The following PEX5L variants were observed in gnomAD, a reference collection of about 807,000 sequenced individuals.
The protein encoded by PEX5L is peroxisomal biogenesis factor 5 like.
PEX5L carries 30 observed loss-of-function variants against 84.0 expected under a neutral mutation model. That is an observed-to-expected ratio of 0.36 (90% CI 0.27 to 0.48). The LOEUF (loss-of-function observed/expected upper bound fraction) is 0.48. Ranked by LOEUF, PEX5L falls within the 20% of genes least tolerant of loss-of-function variation. PEX5L has a pLI of 0.99. For missense variants in PEX5L, 533 were observed against 754.6 expected (o/e 0.71, Z 3.44); for synonymous variants, 270 against 283.1 (o/e 0.95, Z 0.46).
At position 179,808,456 on chromosome 3, in the gene PEX5L, A is replaced by G; in HGVS notation, c.1353-19T>C. The G allele has an allele frequency of 1.4e-6, 2 of 1,380,948 alleles. No homozygotes were observed. The highest frequency in any genetic ancestry group is 1.9e-6 in the Non-Finnish European group (2 of 1,040,312). 85.5% of individuals were successfully genotyped at this position (1,380,948 alleles called of 1,614,324 possible). A position where few individuals can be genotyped will look rare whatever the true frequency, so the allele number is the denominator to read the frequency against. Reference sequence around the variant, plus strand: ...AACAGAGCTACAAGAGAAAAAAAAAATTAGATTTGTAATCCAAATAGTCAG... The same window carrying G: ...AACAGAGCTACAAGAGAAAAAAAAAGTTAGATTTGTAATCCAAATAGTCAG... On this transcript the variant is annotated intron_variant, in intron 12 of 14. Transcript: ENST00000467460.
In PEX5L at chr3:179,853,252, G is replaced by A. The variant is rs183830197; in HGVS notation, c.822+5810C>T. ...CACCCAGCACAGTGCCTGGCCCATGGAAGCAGCTAAGGCATGTCTGATGAA... is the reference window on the plus strand; with the variant it reads ...CACCCAGCACAGTGCCTGGCCCATGAAAGCAGCTAAGGCATGTCTGATGAA... On this transcript the variant is annotated intron_variant, in intron 8 of 14. Coordinates refer to ENST00000467460, the MANE Select transcript of PEX5L (RefSeq NM_016559.3). 1.9e-3 allele frequency among the ~76,000 whole-genome samples: 289 copies of A among 152,324 alleles called. 2 individuals are homozygous for A. The highest frequency in any genetic ancestry group is 6.7e-3 in the African/African-American group (280 of 41,566).
chr3:179,951,737 C>T (rs754475988), intron 2 of PEX5L, among the ~76,000 whole-genome samples: 2 of 152,050 alleles, frequency 1.3e-5, no homozygotes, highest in Non-Finnish European at 2.9e-5. Context: ...TTTGTTCAAG[C>T]CACTTTGTTT....
chr3:179,923,806 G>A (rs1770587185), intron 2 of PEX5L, among the ~76,000 whole-genome samples: 2 of 152,188 alleles, frequency 1.3e-5, no homozygotes, highest in South Asian at 2.1e-4. Flanking sequence ...TGCTTATAAA[G>A]TAAGCACAGT....
intron 1 of PEX5L, chr3:179,973,352 A>G (rs1345938630): frequency 2.5e-6 from 3 of 1,180,044 alleles, no homozygotes; most frequent in Non-Finnish European, 3.2e-6. Flanking sequence ...ATGTACAACA[A>G]TAATTGAAGT....
chr3:179,980,946 G>A (rs9681142), intron 1 of PEX5L, among the ~76,000 whole-genome samples: 59,435 of 151,174 alleles, frequency 0.39, 12,402 homozygotes, highest in East Asian at 0.75. Context: ...ATTGCTTGAA[G>A]CCTGGAGGCG....
intron 3 of PEX5L, among the ~76,000 whole-genome samples, chr3:179,893,590 A>T (rs1758275491): frequency 1.3e-5 from 2 of 152,280 alleles, no homozygotes; most frequent in East Asian, 1.9e-4. Context: ...AGCACAATAC[A>T]TTGTAGATGA....
At chr3:179,989,024 T>C (rs564429077) in intron 1 of PEX5L, among the ~76,000 whole-genome samples, 19 of 152,364 alleles carry the variant, frequency 1.2e-4, no homozygotes, top group Middle Eastern at 3.4e-3. Context: ...CTTGGAATGC[T>C]GATTCTAGCA....
At chr3:179,854,064 A>C (rs1179941743) in intron 8 of PEX5L, among the ~76,000 whole-genome samples, 1 of 138,736 alleles carries the variant, frequency 7.2e-6, no homozygotes, top group East Asian at 2.6e-4. Flanking sequence ...CTGCCTGCCC[A>C]GGAGTTTGAG....
At chr3:179,959,871 T>C (rs1781579268) in intron 2 of PEX5L, among the ~76,000 whole-genome samples, 1 of 152,200 alleles carries the variant, frequency 6.6e-6, no homozygotes, top group Non-Finnish European at 1.5e-5. Context: ...TTTTTAGAAC[T>C]ATAGCAGGTA....
chr3:179,797,673 T>TAAC lies in PEX5L; in HGVS notation c.*4152_*4154dup, dbSNP rs1356828438. 1 of 149,824 alleles carries TAAC rather than the reference T, an allele frequency of 6.7e-6. No individual in the cohort carries two copies. The highest frequency in any genetic ancestry group is 1.5e-5 in the Non-Finnish European group (1 of 67,598). 9.3% of individuals were successfully genotyped at this position (149,824 alleles called of 1,614,324 possible). A position where few individuals can be genotyped will look rare whatever the true frequency, so the allele number is the denominator to read the frequency against. ...AACAGTTTAATTTCAACCAGTTCTA[T>TAAC]AACTATTGAGATGATGATAGGGAAA... is the stretch of plus-strand genomic sequence containing the variant. On this transcript the variant is annotated 3_prime_UTR_variant, in exon 15 of 15. Transcript: ENST00000467460.
At chr3:180,030,086 C>T (rs1343695006) in intron 1 of PEX5L, among the ~76,000 whole-genome samples, 1 of 152,140 alleles carries the variant, frequency 6.6e-6, no homozygotes, top group East Asian at 1.9e-4. Flanking sequence ...CAGAGGCTCA[C>T]CCAAATACTG....
chr3:179,870,081 G>T (rs1013675944), intron 7 of PEX5L, among the ~76,000 whole-genome samples: 4 of 152,132 alleles, frequency 2.6e-5, no homozygotes, highest in African/African-American at 9.7e-5. Context: ...GACAAGAATT[G>T]CATGCCAGGT....
intron 8 of PEX5L, among the ~76,000 whole-genome samples, chr3:179,848,326 A>G (rs1740418995): frequency 6.6e-6 from 1 of 152,092 alleles, no homozygotes; most frequent in South Asian, 2.1e-4. Context: ...TGAGGTGGGC[A>G]GATCACTTGA....
chr3:179,801,563 T>G lies in PEX5L; in HGVS notation c.*265A>C. 1 of 405,774 alleles carries G rather than the reference T, an allele frequency of 2.5e-6. No individual in the cohort carries two copies. 25.1% of individuals were successfully genotyped at this position (405,774 alleles called of 1,614,324 possible). On this transcript the variant is annotated 3_prime_UTR_variant, in exon 15 of 15. Transcript: ENST00000467460. Reference sequence around the variant, plus strand: ...TGCTTGCAACTTGTGGAAAGAGTATTCAACACACAGTTACTTTATCTTGGT... The same window carrying G: ...TGCTTGCAACTTGTGGAAAGAGTATGCAACACACAGTTACTTTATCTTGGT...
At chr3:179,835,045 T>C (rs1734454501) in intron 8 of PEX5L, among the ~76,000 whole-genome samples, 1 of 152,060 alleles carries the variant, frequency 6.6e-6, no homozygotes, top group East Asian at 1.9e-4. Flanking sequence ...ACTGGAGTGG[T>C]GTGGCTACAA....
At chr3:179,979,458 T>G (rs1473151346) in intron 1 of PEX5L, among the ~76,000 whole-genome samples, 1 of 152,152 alleles carries the variant, frequency 6.6e-6, no homozygotes, top group Non-Finnish European at 1.5e-5. Context: ...TCTGATAATC[T>G]CTCTGGCAGT....
At chr3:179,975,304 G>A (rs1416470568) in intron 1 of PEX5L, among the ~76,000 whole-genome samples, 1 of 152,196 alleles carries the variant, frequency 6.6e-6, no homozygotes, top group Non-Finnish European at 1.5e-5. Context: ...ATGGGCTAGA[G>A]ATCTGAAAAA....
intron 11 of PEX5L, among the ~76,000 whole-genome samples, chr3:179,811,500 G>A (rs1322945907): frequency 6.6e-6 from 1 of 152,080 alleles, no homozygotes; most frequent in Non-Finnish European, 1.5e-5. Flanking sequence ...GTTTCAGAAG[G>A]CTAAAACGTT....
At chr3:179,803,059 A>T (rs1719715415) in intron 14 of PEX5L, among the ~76,000 whole-genome samples, 1 of 152,196 alleles carries the variant, frequency 6.6e-6, no homozygotes, top group South Asian at 2.1e-4. Flanking sequence ...GATAAAGCTA[A>T]TATGTTATTT....
Sources: gnomAD v4.1 joint callset for allele counts (sites outside exome capture counted in the v4.1 genomes callset) on GRCh38, gnomAD v4.1.1 for gene constraint, MANE v1.5 for transcripts, NCBI Gene and HGNC (gene_info 2026-07-23, HGNC 2026-07-21) for gene names.